MRPS28: variants seen among roughly 807,000 people sequenced by gnomAD.
MRPS28 encodes small ribosomal subunit protein bS1m.
A neutral mutation model predicts 10.8 loss-of-function variants in MRPS28; 7 were observed. The observed-to-expected ratio is 0.65, with a 90% CI of 0.37 to 1.22. The LOEUF is 1.22. Among genes scored for constraint, MRPS28 ranks in the 50% most tolerant of loss-of-function variants. The pLI is 0.02. For synonymous variants in MRPS28, 121 were observed against 93.3 expected (o/e 1.30, Z -1.71); for missense variants, 265 against 232.9 (o/e 1.14, Z -0.90).
chr8:79,921,165 CAGT>C (rs1586034996), intron 2 of MRPS28, among the ~76,000 whole-genome samples: 2 of 152,028 alleles, frequency 1.3e-5, no homozygotes, highest in Admixed American at 6.6e-5. Context: ...GTTTTGGTAC[CAGT>C]ACCATGCTGT....
chr8:79,931,255 T>C (rs1806453406), intron 2 of MRPS28, among the ~76,000 whole-genome samples: 2 of 152,200 alleles, frequency 1.3e-5, no homozygotes, highest in African/African-American at 2.4e-5. Flanking sequence ...TTCTATTTTA[T>C]AGAGGTTATC....
intron 2 of MRPS28, among the ~76,000 whole-genome samples, chr8:80,002,482 CTT>C (rs1166370003): frequency 2.6e-5 from 4 of 152,134 alleles, no homozygotes; most frequent in Non-Finnish European, 5.9e-5. Context: ...CTCCTTGACT[CTT>C]GATATTCCAC....
chr8:79,990,808 T>G (rs1808340773), intron 2 of MRPS28, among the ~76,000 whole-genome samples: 2 of 134,708 alleles, frequency 1.5e-5, no homozygotes, highest in Non-Finnish European at 3.1e-5. Context: ...GCCAACATGG[T>G]GAAACCCCAT....
intron 2 of MRPS28, among the ~76,000 whole-genome samples, chr8:79,950,694 A>C (rs1272666948): frequency 3.9e-5 from 6 of 152,350 alleles, no homozygotes; most frequent in Admixed American, 2.0e-4. Flanking sequence ...TCTGAAGTAA[A>C]ACTTTGAGTT....
At position 79,918,887 on chromosome 8, in the gene MRPS28, C is replaced by T; in HGVS notation, c.*93G>A. On this transcript the variant is annotated 3_prime_UTR_variant, in exon 3 of 3. Transcript: ENST00000276585. Reference sequence around the variant, plus strand: ...TAATTATAGCTTTTATTTATTATATCTTCATTCAATCATTTATTCACAATT... The same window carrying T: ...TAATTATAGCTTTTATTTATTATATTTTCATTCAATCATTTATTCACAATT... 9.4e-7 allele frequency: 1 copy of T among 1,058,582 alleles called. No individual in the cohort carries two copies. Among genetic ancestry groups the T allele is most frequent in the Non-Finnish European group, 1.3e-6 (1 of 777,566 alleles). The allele number at this position is 1,058,582 out of a possible 1,614,324, so 65.6% of individuals were successfully genotyped here.
chr8:79,989,633 A>G, intron 2 of MRPS28, among the ~76,000 whole-genome samples: 1 of 152,184 alleles, frequency 6.6e-6, no homozygotes. Flanking sequence ...GAACCCCGCA[A>G]CATTTCTTCA....
intron 1 of MRPS28, among the ~76,000 whole-genome samples, chr8:80,024,048 G>A (rs998724977): frequency 2.7e-4 from 41 of 152,076 alleles, no homozygotes; most frequent in Admixed American, 2.2e-3. Context: ...GGGCAATATG[G>A]CAAAACCCCA....
intron 1 of MRPS28, among the ~76,000 whole-genome samples, chr8:80,027,544 A>C (rs969486940): frequency 6.6e-6 from 1 of 152,240 alleles, no homozygotes. Context: ...CAAGGAGAGC[A>C]ATAAGTAAAT....
intron 2 of MRPS28, among the ~76,000 whole-genome samples, chr8:79,951,951 T>G (rs1482833870): frequency 6.6e-6 from 1 of 152,134 alleles, no homozygotes; most frequent in Non-Finnish European, 1.5e-5. Context: ...GTTAGGTGAG[T>G]TGGTAAGTTT....
chr8:80,002,870 T>C lies in MRPS28; in HGVS notation c.395+129A>G, dbSNP rs1285624416. Reference sequence around the variant, plus strand: ...ATTTTTAAAGCACTTCAGACTTTACTGCAGCATTATCAAGACAAATAAATA... The same window carrying C: ...ATTTTTAAAGCACTTCAGACTTTACCGCAGCATTATCAAGACAAATAAATA... On this transcript the variant is annotated intron_variant, in intron 2 of 2. Transcript: ENST00000276585. 23 of 778,194 alleles carry C rather than the reference T, an allele frequency of 3.0e-5. No homozygotes were observed. The Admixed American group carries it at 8.0e-4, about 27-fold the overall frequency. 48.2% of individuals were successfully genotyped at this position (778,194 alleles called of 1,614,324 possible).
chr8:79,984,831 C>T (rs1349592172), intron 2 of MRPS28, among the ~76,000 whole-genome samples: 5 of 152,142 alleles, frequency 3.3e-5, no homozygotes, highest in Non-Finnish European at 7.3e-5. Flanking sequence ...TAATGGGAGA[C>T]TTTAACACCC....
At chr8:79,937,394 TG>T (rs1470597391) in intron 2 of MRPS28, among the ~76,000 whole-genome samples, 1 of 152,158 alleles carries the variant, frequency 6.6e-6, no homozygotes, top group African/African-American at 2.4e-5. Flanking sequence ...TTTGAGCGAC[TG>T]GGGGCAGAAA....
intron 2 of MRPS28, among the ~76,000 whole-genome samples, chr8:79,979,484 C>CA (rs1186541139): frequency 1.3e-5 from 2 of 151,444 alleles, no homozygotes; most frequent in Non-Finnish European, 2.9e-5. Context: ...GTAAAAGGGA[C>CA]AAAAAAATAA....
chr8:79,993,035 T>C (rs1808408587), intron 2 of MRPS28, among the ~76,000 whole-genome samples: 1 of 152,212 alleles, frequency 6.6e-6, no homozygotes, highest in South Asian at 2.1e-4. Context: ...TCTCTAGATG[T>C]TATCAAGCAG....
At chr8:79,936,743 C>T (rs1324267638) in intron 2 of MRPS28, among the ~76,000 whole-genome samples, 1 of 152,092 alleles carries the variant, frequency 6.6e-6, no homozygotes, top group Non-Finnish European at 1.5e-5. Context: ...ATGATGGCAA[C>T]CCTTTTAAAA....
At chr8:79,975,343 T>C (rs1807766358) in intron 2 of MRPS28, among the ~76,000 whole-genome samples, 1 of 151,970 alleles carries the variant, frequency 6.6e-6, no homozygotes. Context: ...AACTATAAAA[T>C]ACTAGAGAGA....
At chr8:80,012,314 C>A (rs1295472066) in intron 1 of MRPS28, among the ~76,000 whole-genome samples, 1 of 152,136 alleles carries the variant, frequency 6.6e-6, no homozygotes, top group Non-Finnish European at 1.5e-5. Flanking sequence ...ATCAGACAAA[C>A]CCTTGCTTCA....
intron 1 of MRPS28, among the ~76,000 whole-genome samples, chr8:80,025,805 G>C (rs910033993): frequency 1.3e-5 from 2 of 152,226 alleles, no homozygotes; most frequent in African/African-American, 4.8e-5. Context: ...AACACAGCTA[G>C]TAAATGGTAG....
chr8:79,979,806 T>C lies in MRPS28; in HGVS notation c.395+23193A>G, dbSNP rs189978555. On this transcript the variant is annotated intron_variant, in intron 2 of 2. Coordinates refer to ENST00000276585, the MANE Select transcript of MRPS28 (RefSeq NM_014018.3). ...GTCTGTAGAATCAGCAGCCTTACTG[T>C]ACCATGCATGACTCAAGAAGCCCCA... Among the ~76,000 whole-genome samples, 4 of 146,734 alleles carry C rather than the reference T, an allele frequency of 2.7e-5. No individual in the cohort carries two copies. In the East Asian group the frequency reaches 8.4e-4, roughly 31 times the overall value.
Sources: gnomAD v4.1 joint callset for allele counts (sites outside exome capture counted in the v4.1 genomes callset) on GRCh38, gnomAD v4.1.1 for gene constraint, MANE v1.5 for transcripts, NCBI Gene and HGNC (gene_info 2026-07-23, HGNC 2026-07-21) for gene names.